The following WNK3 variants were observed in gnomAD, a reference collection of about 807,000 sequenced individuals.
The protein encoded by WNK3 is WNK lysine deficient protein kinase 3, also known as serine/threonine-protein kinase WNK3.
A neutral mutation model predicts 116.7 loss-of-function variants in WNK3; 18 were observed. The observed-to-expected ratio is 0.15, with a 90% CI of 0.11 to 0.23. The LOEUF (loss-of-function observed/expected upper bound fraction) is 0.23, where lower values mean the gene tolerates loss of function less well. WNK3 is among the 10% of genes least tolerant of loss of function. The probability of loss-of-function intolerance (pLI) is 1.00; values close to 1 mark genes in which losing one functional copy is unlikely to be tolerated. For missense variants in WNK3, 993 were observed against 1,323.8 expected (o/e 0.75, Z 3.88); for synonymous variants, 404 against 469.4 (o/e 0.86, Z 1.80).
At chrX:54,249,265 G>A in exon 17 of WNK3, 1 of 1,212,171 alleles carries the variant, frequency 8.2e-7, no homozygotes, top group Non-Finnish European at 1.1e-6. Context: ...AGAGTTACCA[G>A]AAGTCTGAGT....
chrX:54,248,813 G>C lies in WNK3; in HGVS notation c.3535C>G (p.Gln1179Glu). 3.3e-6 allele frequency: 4 copies of C among 1,211,303 alleles called. No individual in the cohort carries two copies. Among genetic ancestry groups the C allele is most frequent in the Non-Finnish European group, 3.4e-6 (3 of 895,291 alleles). Residue 1179 changes from glutamine (Q) to glutamate (E), a missense_variant, in exon 17 of 24, where the codon CAA becomes GAA. By Grantham distance (29) the Gln-to-Glu change is conservative. This residue lies in a region of WNK3 where 836 missense variants were observed against 976.5 expected (regional missense o/e 0.86). Coordinates refer to ENST00000354646, the Ensembl canonical transcript of WNK3. Reference sequence around the variant, plus strand: ...GACAGAAGCTTAGAGCCTGTCTGTTGGAAATTAGGGGATTGTACAGGGCTA... The same window carrying C: ...GACAGAAGCTTAGAGCCTGTCTGTTCGAAATTAGGGGATTGTACAGGGCTA...
At chrX:54,218,702 GGTGAAACCCT>G (rs2067727393) in intron 22 of WNK3, among the ~76,000 whole-genome samples, 1 of 110,101 alleles carries the variant, frequency 9.1e-6, no homozygotes. Context: ...TGGCCAACAT[GGTGAAACCCT>G]GCCTCTACTA....
chrX:54,261,763 C>T (rs1228081948), intron 10 of WNK3, among the ~76,000 whole-genome samples: 1 of 111,378 alleles, frequency 9.0e-6, no homozygotes, highest in Non-Finnish European at 1.9e-5. Context: ...GTAAACATAC[C>T]ATTATTTATT....
intron 22 of WNK3, among the ~76,000 whole-genome samples, chrX:54,210,364 T>C (rs983648514): frequency 1.1e-4 from 12 of 112,671 alleles, no homozygotes; most frequent in Admixed American, 4.7e-4. Flanking sequence ...CTCACGCCTG[T>C]AATCCCAATG....
chrX:54,194,189 CA>C (rs1422835085), exon 24 of WNK3: 1 of 112,085 alleles, frequency 8.9e-6, no homozygotes, highest in Non-Finnish European at 1.9e-5. Flanking sequence ...TTTCATCACT[CA>C]GAAAAGACAG....
chrX:54,255,596 TCA>T (rs1271569582), intron 12 of WNK3, 142 bp downstream of exon 12: 1 of 447,865 alleles, frequency 2.2e-6, no homozygotes, highest in Non-Finnish European at 3.5e-6. Flanking sequence ...CACATAATAC[TCA>T]CATTGGAAAG....
chrX:54,358,628 G>A (rs1275983041), upstream of WNK3: 2 of 112,838 alleles, frequency 1.8e-5, no homozygotes, highest in African/African-American at 3.2e-5. Flanking sequence ...GCCACGGCAT[G>A]TCTCCCCCGC....
At chrX:54,224,723 C>A (rs1410361038) in intron 22 of WNK3, among the ~76,000 whole-genome samples, 2 of 109,713 alleles carry the variant, frequency 1.8e-5, no homozygotes, top group Non-Finnish European at 3.8e-5. Context: ...GCGCCCGCCA[C>A]CACACTGGGC....
At chrX:54,331,859 T>A (rs2069174939) in intron 2 of WNK3, among the ~76,000 whole-genome samples, 1 of 111,941 alleles carries the variant, frequency 8.9e-6, no homozygotes, top group Admixed American at 9.6e-5. Flanking sequence ...AAACCTGGAC[T>A]AAATTCCAAC....
intron 1 of WNK3, among the ~76,000 whole-genome samples, chrX:54,347,090 G>A (rs1024020435): frequency 2.7e-4 from 30 of 112,004 alleles, no homozygotes; most frequent in African/African-American, 9.1e-4. Context: ...CTCAAACCTG[G>A]AGTCTCTTAC....
At chrX:54,352,528 C>T (rs1172292776) in intron 1 of WNK3, among the ~76,000 whole-genome samples, 2 of 110,744 alleles carry the variant, frequency 1.8e-5, no homozygotes, top group African/African-American at 6.6e-5. Flanking sequence ...AAAAAATTAG[C>T]CTGGTGTGGG....
chrX:54,231,910 C>T (rs2067902703), intron 21 of WNK3, among the ~76,000 whole-genome samples: 1 of 110,602 alleles, frequency 9.0e-6, no homozygotes, highest in African/African-American at 3.3e-5. Context: ...TGATTAACAA[C>T]TTCTATATTA....
exon 24 of WNK3, chrX:54,197,538 AC>A (rs2067455733): frequency 9.1e-6 from 1 of 110,227 alleles, no homozygotes; most frequent in Non-Finnish European, 1.9e-5. Context: ...AGTCTGGCCA[AC>A]ATAGTGAAAC....
At chrX:54,283,873 A>G (rs1334679161) in intron 10 of WNK3, among the ~76,000 whole-genome samples, 11 of 109,331 alleles carry the variant, frequency 1.0e-4, no homozygotes, top group African/African-American at 3.3e-4. Flanking sequence ...AGGAAAAAAA[A>G]AAAAAAAGAA....
chrX:54,285,564 T>C (rs113586528), intron 10 of WNK3, among the ~76,000 whole-genome samples: 2 of 112,698 alleles, frequency 1.8e-5, no homozygotes, highest in Non-Finnish European at 1.9e-5. Context: ...ACCACCTGTT[T>C]TTGTGAGCAA....
At chrX:54,224,663 G>A (rs966594829) in intron 22 of WNK3, among the ~76,000 whole-genome samples, 3 of 107,459 alleles carry the variant, frequency 2.8e-5, no homozygotes, top group East Asian at 3.0e-4. Context: ...TCCGCCTCCC[G>A]GGTTCACGCC....
chrX:54,282,213 T>A (rs782179746), intron 10 of WNK3, among the ~76,000 whole-genome samples: 85 of 109,458 alleles, frequency 7.8e-4, no homozygotes, highest in African/African-American at 2.6e-3. Flanking sequence ...GCTAATTTTT[T>A]AATTTTTTTG....
At chrX:54,195,790 T>C (rs1557139948) in exon 24 of WNK3, 1 of 111,850 alleles carries the variant, frequency 8.9e-6, no homozygotes, top group Non-Finnish European at 1.9e-5. Context: ...AGACTACTTT[T>C]CTTTCCAGCA....
intron 10 of WNK3, 69 bp downstream of exon 10, chrX:54,292,819 G>GA: frequency 1.1e-5 from 12 of 1,047,003 alleles, no homozygotes; most frequent in Non-Finnish European, 1.5e-5. Context: ...GAGAACTTTT[G>GA]CCTGTCAGAA....
Sources: allele counts gnomAD v4.1 joint callset (sites outside exome capture counted in the v4.1 genomes callset), GRCh38; gene constraint gnomAD v4.1.1; regional missense constraint gnomAD v4.1.1; transcripts MANE v1.5; gene names NCBI Gene and HGNC (gene_info 2026-07-23, HGNC 2026-07-21).